Variants in KIRREL3 observed in about 807,000 individuals in gnomAD.
The protein encoded by KIRREL3 is kin of IRRE-like protein 3.
KIRREL3 carries 36 observed loss-of-function variants against 89.7 expected under a neutral mutation model. The observed-to-expected ratio is 0.40, with a 90% CI of 0.31 to 0.53. The LOEUF (loss-of-function observed/expected upper bound fraction) is 0.53. KIRREL3 is among the 20% of genes least tolerant of loss of function. The probability of loss-of-function intolerance (pLI) is 0.49; values close to 1 mark genes in which losing one functional copy is unlikely to be tolerated. For synonymous variants in KIRREL3, 445 were observed against 441.4 expected, an observed-to-expected ratio of 1.01 and a Z score of -0.10; for missense variants, 864 against 1,056.6, an observed-to-expected ratio of 0.82 and a Z score of 2.53.
At chr11:126,619,144 A>G (rs1346853047) in intron 1 of KIRREL3, among the ~76,000 whole-genome samples, 1 of 152,246 alleles carries the variant, frequency 6.6e-6, no homozygotes, top group East Asian at 1.9e-4. Flanking sequence ...TGGAATAATC[A>G]GGGAAGATTT....
chr11:126,619,173 T>C (rs753204880), intron 1 of KIRREL3, among the ~76,000 whole-genome samples: 1 of 152,212 alleles, frequency 6.6e-6, no homozygotes, highest in Non-Finnish European at 1.5e-5. Flanking sequence ...AGATAGCAAC[T>C]GAGTTGAGAT....
At chr11:126,654,697 C>T (rs1356866367) in intron 1 of KIRREL3, among the ~76,000 whole-genome samples, 6 of 152,252 alleles carry the variant, frequency 3.9e-5, no homozygotes, top group Admixed American at 6.5e-5. Context: ...ACCACACAGC[C>T]GACATCGTGA....
At chr11:126,629,017 A>G (rs1318960334) in intron 1 of KIRREL3, among the ~76,000 whole-genome samples, 2 of 152,258 alleles carry the variant, frequency 1.3e-5, no homozygotes, top group Non-Finnish European at 2.9e-5. Flanking sequence ...GAATGCAGGC[A>G]GAAGATTTTA....
In KIRREL3 at chr11:126,931,577, T is replaced by C. The variant is rs1947951015; in HGVS notation, c.55+68878A>G. Among the ~76,000 whole-genome samples the C allele has an allele frequency of 6.6e-6, 1 of 152,222 alleles. No homozygotes were observed. The highest frequency in any genetic ancestry group is 2.1e-4 in the South Asian group (1 of 4,830). ...CCTCTTGGCTAGTCATTCTAGAGAA[T>C]GAAGCTGTTTTATGTCCAAATCTAC... is the stretch of plus-strand genomic sequence containing the variant. On this transcript the variant is annotated intron_variant, in intron 1 of 16. Coordinates refer to ENST00000525144, the MANE Select transcript of KIRREL3 (RefSeq NM_032531.4). The surrounding 1 kb of genome is among the most constrained non-coding windows in gnomAD (Gnocchi z 5.1).
rs1210344174 is a variant in KIRREL3, at chr11:126,541,942, A to G, written c.134-15255T>C. Among the ~76,000 whole-genome samples, 1 of 152,222 alleles carries G rather than the reference A, an allele frequency of 6.6e-6. No homozygotes were observed. Among genetic ancestry groups the G allele is most frequent in the Non-Finnish European group, 1.5e-5 (1 of 68,028 alleles). Reference sequence around the variant, plus strand: ...TCAGTGAAGTCTCACAGGGAATCCCAGTGTATAAAACGGTGGAGGCAGAGC... The same window carrying G: ...TCAGTGAAGTCTCACAGGGAATCCCGGTGTATAAAACGGTGGAGGCAGAGC... On this transcript the variant is annotated intron_variant, in intron 2 of 16. Transcript: ENST00000525144. The surrounding 1 kb of genome is among the most constrained non-coding windows in gnomAD (Gnocchi z 4.8).
intron 1 of KIRREL3, among the ~76,000 whole-genome samples, chr11:126,893,936 C>T (rs192857521): frequency 4.0e-4 from 61 of 152,222 alleles, no homozygotes; most frequent in African/African-American, 1.4e-3. Context: ...TTCCCAGAGC[C>T]GCGTGTGACT....
Position 126,496,870 on chromosome 11 carries a change from T to A in KIRREL3, c.434-23404A>T, listed in dbSNP as rs935183408. On this transcript the variant is annotated intron_variant, in intron 4 of 16. Transcript: ENST00000525144. This position sits in a 1 kb window ranked among gnomAD's most constrained non-coding sequence, Gnocchi z 4.9. ...GGGGCCTCTGGAAGCTGGGGCCAGT[T>A]CTCCAGTGCCTCAATGTCCCGGAAT... 5.9e-5 allele frequency among the ~76,000 whole-genome samples: 9 copies of A among 152,190 alleles called. No individual in the cohort carries two copies. Among genetic ancestry groups the A allele is most frequent in the Admixed American group, 5.9e-4 (9 of 15,282 alleles).
Position 126,496,502 on chromosome 11 carries a change from T to C in KIRREL3, c.434-23036A>G, listed in dbSNP as rs1250193171. Among the ~76,000 whole-genome samples the C allele has an allele frequency of 6.6e-6, 1 of 151,980 alleles. No homozygotes were observed. The highest frequency in any genetic ancestry group is 1.5e-5 in the Non-Finnish European group (1 of 68,006). On this transcript the variant is annotated intron_variant, in intron 4 of 16. Transcript: ENST00000525144. This position sits in a 1 kb window ranked among gnomAD's most constrained non-coding sequence, Gnocchi z 4.9. ...GCCACCCCATGGCTGCCATTTCTTC[T>C]CACTCCCTTCACAAATGAGAACCCA...
intron 1 of KIRREL3, among the ~76,000 whole-genome samples, chr11:126,855,383 T>C (rs1364435816): frequency 2.0e-5 from 3 of 152,210 alleles, no homozygotes; most frequent in Non-Finnish European, 2.9e-5. Context: ...ACGTGCCTAC[T>C]TTCCCTTTGC....
chr11:126,435,271 C>G lies in KIRREL3; in HGVS notation c.1585G>C (p.Ala529Pro). Reference sequence around the variant, plus strand: ...TTCTCATCATCTCCTTCCGTACCTGCTTCCAGCCCGGCTCCCGACTTCATT... The same window carrying G: ...TTCTCATCATCTCCTTCCGTACCTGGTTCCAGCCCGGCTCCCGACTTCATT... ...SEMKSGAGLE[A>P]ESVPMAVIIG... The change falls in exon 13 of 17, where the codon GCA becomes CCA. Residue 529 changes from alanine (A) to proline (P), a missense_variant. Transcript: ENST00000525144. 6.2e-7 allele frequency: 1 copy of G among 1,613,844 alleles called. No individual in the cohort carries two copies. The highest frequency in any genetic ancestry group is 8.5e-7 in the Non-Finnish European group (1 of 1,179,810).
intron 1 of KIRREL3, among the ~76,000 whole-genome samples, chr11:126,634,552 G>C (rs1045117680): frequency 6.6e-6 from 1 of 152,182 alleles, no homozygotes; most frequent in Admixed American, 6.5e-5. Flanking sequence ...ACTTGGGCTG[G>C]AGAGGCTTGC....
chr11:126,619,900 T>G (rs947009946), intron 1 of KIRREL3, among the ~76,000 whole-genome samples: 2 of 152,216 alleles, frequency 1.3e-5, no homozygotes, highest in African/African-American at 4.8e-5. Flanking sequence ...GCATGCGGTT[T>G]CTTCATCTCC....
Position 126,686,633 on chromosome 11 carries a change from G to A in KIRREL3, c.56-123721C>T, listed in dbSNP as rs1648002883. Among the ~76,000 whole-genome samples, 1 of 152,134 alleles carries A rather than the reference G, an allele frequency of 6.6e-6. No individual in the cohort carries two copies. The highest frequency in any genetic ancestry group is 2.1e-4 in the South Asian group (1 of 4,826). On this transcript the variant is annotated intron_variant, in intron 1 of 16. Transcript: ENST00000525144. This position sits in a 1 kb window ranked among gnomAD's most constrained non-coding sequence, Gnocchi z 4.7. ...CTCACTGTGTGGCACAGGCTGGAGT[G>A]CAGTGGCGTGATCTTGGCTCACTGC...
chr11:126,799,204 ATGTGTGTATCTGTGTGTGTATC>A (rs1346485181), intron 1 of KIRREL3, among the ~76,000 whole-genome samples: 1 of 145,726 alleles, frequency 6.9e-6, no homozygotes, highest in Non-Finnish European at 1.5e-5. Context: ...GTGTGTGTGC[ATGTGTGTATCTGTGTGTGTATC>A]TGTGTATCTG....
At chr11:126,902,955 T>C (rs940989850) in intron 1 of KIRREL3, among the ~76,000 whole-genome samples, 1 of 152,224 alleles carries the variant, frequency 6.6e-6, no homozygotes, top group Non-Finnish European at 1.5e-5. Context: ...TTTGCCTATA[T>C]TTATTTCATT....
intron 1 of KIRREL3, among the ~76,000 whole-genome samples, chr11:126,950,717 A>T (rs1394784040): frequency 3.3e-5 from 5 of 152,198 alleles, no homozygotes; most frequent in African/African-American, 1.2e-4. Flanking sequence ...ATGAAGGAGG[A>T]GGTGGAGAGC....
intron 1 of KIRREL3, among the ~76,000 whole-genome samples, chr11:126,616,873 C>G (rs1249781718): frequency 6.6e-6 from 1 of 152,234 alleles, no homozygotes; most frequent in African/African-American, 2.4e-5. Context: ...AACTCCTGGG[C>G]TCAAGTGATC....
rs150984170 is a variant in KIRREL3 at position 126,657,781 on chromosome 11, A to G, written c.56-94869T>C. On this transcript the variant is annotated intron_variant, in intron 1 of 16. Coordinates refer to ENST00000525144, the MANE Select transcript of KIRREL3 (RefSeq NM_032531.4). ...CCATGTAGAAACCTGTGCTGTGTTC[A>G]GTCACTGTAATGCTTTTGTAGTTCT... Among the ~76,000 whole-genome samples, 445 of 152,324 alleles carry G rather than the reference A, an allele frequency of 2.9e-3. 1 individual carries two copies. The highest frequency in any genetic ancestry group is 0.01 in the African/African-American group (424 of 41,562).
intron 1 of KIRREL3, among the ~76,000 whole-genome samples, chr11:126,902,128 G>A (rs997208361): frequency 1.3e-5 from 2 of 152,218 alleles, no homozygotes; most frequent in Non-Finnish European, 2.9e-5. Context: ...GAGCTATGGA[G>A]GCTTGTTCCA....
Sources: gnomAD v4.1 joint callset for allele counts (sites outside exome capture counted in the v4.1 genomes callset) on GRCh38, gnomAD v4.1.1 for gene constraint, Gnocchi (gnomAD v3.1) non-coding constraint, MANE v1.5 for transcripts, NCBI Gene and HGNC (gene_info 2026-07-23, HGNC 2026-07-21) for gene names.